Variants in PBRM1 observed in about 807,000 individuals in gnomAD.
PBRM1 encodes polybromo 1, also known as protein polybromo-1.
A neutral mutation model predicts 194.5 loss-of-function variants in PBRM1; 27 were observed. The observed-to-expected ratio is 0.14, with a 90% CI of 0.10 to 0.19. The LOEUF (loss-of-function observed/expected upper bound fraction) is 0.19, where lower values mean the gene tolerates loss of function less well. Ranked by LOEUF, PBRM1 falls within the 10% of genes least tolerant of loss-of-function variation. The pLI is 1.00. For synonymous variants in PBRM1, 655 were observed against 693.2 expected (o/e 0.94, Z 0.87); for missense variants, 1,466 against 2,077.2 (o/e 0.71, Z 5.72).
chr3:52,659,379 G>A (rs1240063999), intron 4 of PBRM1, among the ~76,000 whole-genome samples: 2 of 152,070 alleles, frequency 1.3e-5, no homozygotes, highest in African/African-American at 4.8e-5. Context: ...CTGGTATTGT[G>A]TCCTAATCCA....
chr3:52,579,349 G>C, intron 20 of PBRM1, 150 bp from the exon 23 acceptor site: 1 of 683,398 alleles, frequency 1.5e-6, no homozygotes, highest in Non-Finnish European at 2.5e-6. Flanking sequence ...ATTTTGGGAG[G>C]CCAAGGCAGG....
intron 10 of PBRM1, among the ~76,000 whole-genome samples, chr3:52,641,523 T>C (rs569026657): frequency 5.5e-4 from 83 of 150,232 alleles, no homozygotes; most frequent in African/African-American, 2.0e-3. Flanking sequence ...ACAAATTTTA[T>C]CTTTACACAT....
chr3:52,565,647 A>G (rs2084947550), intron 22 of PBRM1, among the ~76,000 whole-genome samples: 1 of 152,186 alleles, frequency 6.6e-6, no homozygotes, highest in Non-Finnish European at 1.5e-5. Context: ...CAGAATATAT[A>G]TTCCTACAAC....
intron 11 of PBRM1, among the ~76,000 whole-genome samples, chr3:52,632,686 CTTT>C (rs767428790): frequency 3.6e-5 from 5 of 138,610 alleles, no homozygotes; most frequent in African/African-American, 2.6e-5. Flanking sequence ...CCACCTTGAC[CTTT>C]TTTTTTTTTT....
At chr3:52,546,123 C>T (rs1164651447), downstream of PBRM1, 4 of 232,350 alleles carry the variant, frequency 1.7e-5, no homozygotes, top group East Asian at 1.2e-4. Flanking sequence ...CACGTGGCCC[C>T]CAGTGAAAAA....
At chr3:52,652,225 A>T (rs1332028023) in intron 5 of PBRM1, among the ~76,000 whole-genome samples, 1 of 151,618 alleles carries the variant, frequency 6.6e-6, no homozygotes, top group East Asian at 1.9e-4. Context: ...CTCTACTAAA[A>T]ATACAAAAAT....
chr3:52,621,634 C>A (rs537139861), intron 13 of PBRM1, among the ~76,000 whole-genome samples: 1 of 152,290 alleles, frequency 6.6e-6, no homozygotes, highest in African/African-American at 2.4e-5. Context: ...AATCACAGGT[C>A]TTGTAACTGG....
upstream of PBRM1, among the ~76,000 whole-genome samples, chr3:52,684,673 C>T (rs918868694): frequency 1.3e-5 from 2 of 152,124 alleles, no homozygotes; most frequent in African/African-American, 2.4e-5. Context: ...AACATTCTTC[C>T]TCATGATGTT....
chr3:52,622,345 T>TA (rs1325121655), intron 13 of PBRM1, among the ~76,000 whole-genome samples: 17 of 128,772 alleles, frequency 1.3e-4, no homozygotes, highest in African/African-American at 2.8e-4. Context: ...CTCAAAAAAA[T>TA]AAAAAAAAAG....
chr3:52,564,085 A>G (rs2153523580), exon 23 of PBRM1: 1 of 1,613,644 alleles, frequency 6.2e-7, no homozygotes, highest in Non-Finnish European at 8.5e-7. Flanking sequence ...CCACTTTAGC[A>G]GAGAGTGAAA....
intron 11 of PBRM1, among the ~76,000 whole-genome samples, chr3:52,630,736 C>T (rs1471812011): frequency 6.6e-6 from 1 of 152,162 alleles, no homozygotes; most frequent in Admixed American, 6.5e-5. Flanking sequence ...CTTACTCTCC[C>T]CTGTGTGCCA....
At chr3:52,640,146 T>C (rs1413725138) in intron 10 of PBRM1, among the ~76,000 whole-genome samples, 2 of 152,192 alleles carry the variant, frequency 1.3e-5, no homozygotes, top group Non-Finnish European at 1.5e-5. Context: ...TAATGATCTC[T>C]GTTTGAAAGT....
chr3:52,603,808 T>G, intron 16 of PBRM1, 76 bp from the exon 19 acceptor site: 1 of 1,256,424 alleles, frequency 8.0e-7, no homozygotes, highest in Middle Eastern at 2.7e-4. Context: ...TTAAATTCTA[T>G]TAAATGCTTC....
At chr3:52,654,749 T>C (rs1412456127) in intron 5 of PBRM1, among the ~76,000 whole-genome samples, 1 of 152,040 alleles carries the variant, frequency 6.6e-6, no homozygotes, top group Non-Finnish European at 1.5e-5. Context: ...TACTTCTATT[T>C]TGTGTGTATG....
chr3:52,680,891 C>T (rs148668611), upstream of PBRM1, among the ~76,000 whole-genome samples: 1 of 151,872 alleles, frequency 6.6e-6, no homozygotes, highest in African/African-American at 2.4e-5. Context: ...AATCTCTTGA[C>T]CTCGTGATCC....
intron 5 of PBRM1, among the ~76,000 whole-genome samples, chr3:52,654,867 G>A (rs566255702): frequency 1.3e-5 from 2 of 151,904 alleles, no homozygotes; most frequent in South Asian, 2.1e-4. Flanking sequence ...AGCTCACTGC[G>A]GCCTTGAACT....
chr3:52,548,374 T>C (rs1043155467), intron 29 of PBRM1, 139 bp from the exon 32 acceptor site: 23 of 564,520 alleles, frequency 4.1e-5, no homozygotes, highest in African/African-American at 4.0e-4. Flanking sequence ...CTGCAGAATA[T>C]TTCCAGGCAC....
At chr3:52,605,501 C>G (rs965727731) in intron 16 of PBRM1, among the ~76,000 whole-genome samples, 1 of 152,114 alleles carries the variant, frequency 6.6e-6, no homozygotes, top group African/African-American at 2.4e-5. Flanking sequence ...GAGCATCAAA[C>G]TTCAGAGAGG....
chr3:52,672,942 C>G (rs2096984204), intron 2 of PBRM1, among the ~76,000 whole-genome samples: 1 of 152,146 alleles, frequency 6.6e-6, no homozygotes, highest in Admixed American at 6.6e-5. Context: ...TTAACTATCA[C>G]TGTGACAACT....
Sources: gnomAD v4.1 joint callset for allele counts (sites outside exome capture counted in the v4.1 genomes callset) on GRCh38, gnomAD v4.1.1 for gene constraint, MANE v1.5 for transcripts, NCBI Gene and HGNC (gene_info 2026-07-23, HGNC 2026-07-21) for gene names.